The following SLC30A7 variants were observed in gnomAD, a reference collection of about 807,000 sequenced individuals.
SLC30A7 encodes the protein solute carrier family 30 member 7, also known as zinc transporter 7.
Under a neutral mutation model 46.0 loss-of-function variants are expected in SLC30A7, and 35 were observed. The ratio of observed to expected loss-of-function variants is 0.76; its 90% CI spans 0.58 to 1.01. The LOEUF is 1.01. Ranked by LOEUF, SLC30A7 falls within the 50% of genes least tolerant of loss-of-function variation. The pLI is 0.00. For synonymous variants in SLC30A7, 147 were observed against 157.8 expected, an observed-to-expected ratio of 0.93 and a Z score of 0.51; for missense variants, 464 against 451.1, an observed-to-expected ratio of 1.03 and a Z score of -0.26.
At chr1:100,985,230 G>A (rs2101117986), downstream of SLC30A7, among the ~76,000 whole-genome samples, 1 of 152,320 alleles carries the variant, frequency 6.6e-6, no homozygotes, top group Middle Eastern at 3.4e-3. Context: ...TTCTCAAGGA[G>A]AGGATAAAGT....
At position 100,961,847 on chromosome 1, in the gene SLC30A7, G is replaced by T; in HGVS notation, c.862G>T (p.Glu288Ter). 6.2e-7 allele frequency: 1 copy of T among 1,601,132 alleles called. No homozygotes were observed. Among genetic ancestry groups the T allele is most frequent in the Admixed American group, 1.7e-5 (1 of 58,888 alleles). ...IVVSVIPLLR[E>*]SVGILMQRTP... is the part of the protein sequence containing the mutation. ...CCTTAGTGTTATTCCTCTTTTAAGA[G>T]AATCTGTTGGAATATTAATGCAGAG... The change falls in exon 9 of 11, where the codon GAA becomes TAA. Residue 288 changes from glutamate to a stop codon, truncating the protein, a stop_gained. Transcript: ENST00000357650. LOFTEE classifies it high-confidence loss of function.
At chr1:100,951,409 CTAAT>C (rs1220778911) in intron 8 of SLC30A7, among the ~76,000 whole-genome samples, 1 of 152,124 alleles carries the variant, frequency 6.6e-6, no homozygotes, top group Non-Finnish European at 1.5e-5. Context: ...TAATCCATTC[CTAAT>C]TTTCAGCAAA....
rs142279779 is a variant in SLC30A7, at chr1:100,958,380, G to A, written c.843-3448G>A. On this transcript the variant is annotated intron_variant, in intron 8 of 10. Coordinates refer to ENST00000357650, the MANE Select transcript of SLC30A7 (RefSeq NM_133496.5). ...TTTAGTGGAGACGGGATTTCACCGT[G>A]TTAGCCAGGATGGTCTCGATCCCCT... 2.0e-3 allele frequency among the ~76,000 whole-genome samples: 309 copies of A among 152,252 alleles called. 1 individual carries two copies. The highest frequency in any genetic ancestry group is 7.2e-3 in the African/African-American group (299 of 41,554).
intron 3 of SLC30A7, among the ~76,000 whole-genome samples, chr1:100,910,160 A>G (rs1651991625): frequency 6.6e-6 from 1 of 152,096 alleles, no homozygotes; most frequent in Non-Finnish European, 1.5e-5. Context: ...AATCGTTATT[A>G]CCTAGAAGTT....
intron 2 of SLC30A7, among the ~76,000 whole-genome samples, chr1:100,902,826 A>G (rs959292565): frequency 2.0e-5 from 3 of 152,164 alleles, no homozygotes; most frequent in African/African-American, 7.2e-5. Flanking sequence ...TATATCTGCA[A>G]TGAGTCCATT....
chr1:100,921,654 A>G, intron 7 of SLC30A7, 52 bp from the exon 8 acceptor site: 2 of 1,467,546 alleles, frequency 1.4e-6, no homozygotes, highest in Non-Finnish European at 1.9e-6. Flanking sequence ...ATATATTCGT[A>G]TTTTAAATTA....
intron 8 of SLC30A7, among the ~76,000 whole-genome samples, chr1:100,933,228 C>T (rs903346921): frequency 1.6e-4 from 24 of 152,158 alleles, no homozygotes; most frequent in African/African-American, 5.8e-4. Flanking sequence ...CCTGCCTCAG[C>T]CTCCCAAAGT....
Position 100,918,058 on chromosome 1 carries a change from ATAACT to A in SLC30A7, c.656-15_656-11del. On this transcript the variant is annotated splice_polypyrimidine_tract_variant and intron_variant, in intron 6 of 10. Coordinates refer to ENST00000357650, the MANE Select transcript of SLC30A7 (RefSeq NM_133496.5). ...TGAGGAATTGAAAACATGTTTTAAA[ATAACT>A]TAATTCTCTACAGATGGCCCGTCCT... 1 of 1,598,986 alleles carries A rather than the reference ATAACT, an allele frequency of 6.3e-7. No individual in the cohort carries two copies. The highest frequency in any genetic ancestry group is 2.2e-5 in the East Asian group (1 of 44,690).
intron 10 of SLC30A7, among the ~76,000 whole-genome samples, chr1:100,971,000 C>T (rs1570598064): frequency 6.6e-6 from 1 of 152,184 alleles, no homozygotes; most frequent in Middle Eastern, 3.4e-3. Context: ...TTATTTCTTC[C>T]ATCTTTTCTA....
chr1:100,945,797 C>G (rs1654600733), intron 8 of SLC30A7, among the ~76,000 whole-genome samples: 1 of 151,970 alleles, frequency 6.6e-6, no homozygotes, highest in Admixed American at 6.6e-5. Context: ...TATGGACTTT[C>G]AAGTAGTTTT....
intron 10 of SLC30A7, among the ~76,000 whole-genome samples, chr1:100,971,216 C>T (rs191094093): frequency 1.3e-5 from 2 of 152,206 alleles, no homozygotes; most frequent in East Asian, 1.9e-4. Context: ...GATCATAATC[C>T]CTTCCTGTGG....
intron 10 of SLC30A7, among the ~76,000 whole-genome samples, chr1:100,966,749 C>T (rs1655898936): frequency 6.6e-6 from 1 of 152,162 alleles, no homozygotes; most frequent in South Asian, 2.1e-4. Flanking sequence ...TTATCCTTTA[C>T]TGCACATTTC....
chr1:100,914,788 GAGCCTTCTA>G (rs1414074529), intron 6 of SLC30A7, among the ~76,000 whole-genome samples: 1 of 152,062 alleles, frequency 6.6e-6, no homozygotes, highest in Non-Finnish European at 1.5e-5. Flanking sequence ...CTTGAAGAGT[GAGCCTTCTA>G]AGCCCTTCAT....
chr1:100,932,986 T>C (rs1344391720), intron 8 of SLC30A7, among the ~76,000 whole-genome samples: 28 of 150,806 alleles, frequency 1.9e-4, no homozygotes, highest in Admixed American at 1.8e-3. Context: ...TTCTTTTTTT[T>C]TTTTTTTTGA....
chr1:100,983,388 A>C (rs1286395994), downstream of SLC30A7, among the ~76,000 whole-genome samples: 59 of 116,600 alleles, frequency 5.1e-4, 1 homozygote, highest in African/African-American at 1.3e-3. Flanking sequence ...AAAAAAAAAA[A>C]AACAAAACAA....
At chr1:100,958,825 G>A (rs1655384135) in intron 8 of SLC30A7, among the ~76,000 whole-genome samples, 2 of 152,196 alleles carry the variant, frequency 1.3e-5, no homozygotes, top group African/African-American at 4.8e-5. Flanking sequence ...TTTCTGGTTA[G>A]AGGGAGGGGG....
chr1:100,985,979 GA>G (rs1657242518), downstream of SLC30A7, among the ~76,000 whole-genome samples: 1 of 152,138 alleles, frequency 6.6e-6, no homozygotes, highest in Non-Finnish European at 1.5e-5. Context: ...TCACCATATG[GA>G]AACAATCCAA....
At chr1:100,921,105 CAT>C (rs1398751251) in intron 7 of SLC30A7, among the ~76,000 whole-genome samples, 7 of 152,004 alleles carry the variant, frequency 4.6e-5, no homozygotes, top group South Asian at 4.1e-4. Context: ...AAAAGTTCAA[CAT>C]GTATTTTATA....
chr1:100,961,671 G>A (rs1217645464), intron 8 of SLC30A7, among the ~76,000 whole-genome samples, 157 bp from the exon 9 acceptor site: 3 of 152,064 alleles, frequency 2.0e-5, no homozygotes, highest in Admixed American at 2.0e-4. Context: ...TACTGATCAC[G>A]TGGAAAATCT....
Sources: allele counts gnomAD v4.1 joint callset (sites outside exome capture counted in the v4.1 genomes callset), GRCh38; gene constraint gnomAD v4.1.1; transcripts MANE v1.5; gene names NCBI Gene and HGNC (gene_info 2026-07-23, HGNC 2026-07-21).